WDR72: variants seen among roughly 807,000 people sequenced by gnomAD.
WDR72 encodes the protein WD repeat domain 72.
A neutral mutation model predicts 124.2 loss-of-function variants in WDR72; 120 were observed. That is an observed-to-expected ratio of 0.97 (90% CI 0.83 to 1.12). The LOEUF (loss-of-function observed/expected upper bound fraction) is 1.12, where lower values mean the gene tolerates loss of function less well. Ranked by LOEUF, WDR72 falls within the 50% of genes most tolerant of loss-of-function variation. The probability of loss-of-function intolerance (pLI) is 0.00; values close to 1 mark genes in which losing one functional copy is unlikely to be tolerated. For synonymous variants in WDR72, 452 were observed against 441.7 expected, an observed-to-expected ratio of 1.02 and a Z score of -0.29; for missense variants, 1,387 against 1,278.8, an observed-to-expected ratio of 1.08 and a Z score of -1.29.
At chr15:53,546,431 G>C (rs907052093) in intron 18 of WDR72, among the ~76,000 whole-genome samples, 14 of 149,508 alleles carry the variant, frequency 9.4e-5, no homozygotes, top group African/African-American at 3.0e-4. Flanking sequence ...ACCAAACACC[G>C]CATATTCTCA....
Position 53,615,816 on chromosome 15 carries a change from A to AATTTTGCTGTGTCT in WDR72, c.2376_2389dup (p.Leu797Ter), listed in dbSNP as rs752914562. 4.3e-6 allele frequency: 7 copies of AATTTTGCTGTGTCT among 1,613,572 alleles called. No individual in the cohort carries two copies. Among genetic ancestry groups the AATTTTGCTGTGTCT allele is most frequent in the Non-Finnish European group, 5.9e-6 (7 of 1,179,658 alleles). ...CCATGGCAAAAGGCAAGACAGAAACAATTTTGCTGTGTCTATTGTGAGACT... is the reference window on the plus strand; with the variant it reads ...CCATGGCAAAAGGCAAGACAGAAACAATTTTGCTGTGTCTATTTTGCTGTGTCTATTGTGAGACT... On this transcript the variant is annotated stop_gained and frameshift_variant, in exon 15 of 20. Transcript: ENST00000360509. LOFTEE classifies it high-confidence loss of function.
At chr15:53,659,487 G>A (rs780231194) in intron 14 of WDR72, among the ~76,000 whole-genome samples, 3 of 152,036 alleles carry the variant, frequency 2.0e-5, no homozygotes, top group Admixed American at 6.6e-5. Flanking sequence ...GAGGAAATTC[G>A]GAGTTGCTTC....
chr15:53,548,180 C>G (rs538231961), intron 18 of WDR72, among the ~76,000 whole-genome samples: 1 of 152,348 alleles, frequency 6.6e-6, no homozygotes, highest in African/African-American at 2.4e-5. Flanking sequence ...TGATCATCTT[C>G]TACCTAAATC....
intron 17 of WDR72, among the ~76,000 whole-genome samples, chr15:53,607,636 C>G (rs927372024): frequency 6.6e-6 from 1 of 151,932 alleles, no homozygotes; most frequent in Non-Finnish European, 1.5e-5. Flanking sequence ...GCACAGGCAA[C>G]CAATGCAAAA....
At chr15:53,679,849 T>G (rs935008279) in intron 13 of WDR72, among the ~76,000 whole-genome samples, 6 of 151,866 alleles carry the variant, frequency 4.0e-5, no homozygotes, top group African/African-American at 1.5e-4. Context: ...TTTCAGATTT[T>G]GGAGAGATAA....
chr15:53,617,235 C>T (rs1368917507), intron 14 of WDR72, among the ~76,000 whole-genome samples: 2 of 151,640 alleles, frequency 1.3e-5, no homozygotes, highest in Admixed American at 6.6e-5. Context: ...TGACACATAT[C>T]TCTATCTACA....
rs550976889 is a variant in WDR72 at position 53,558,275 on chromosome 15, A to T, written c.3149-34953T>A. 8.5e-5 allele frequency among the ~76,000 whole-genome samples: 13 copies of T among 152,170 alleles called. No individual in the cohort carries two copies. In the East Asian group the frequency reaches 2.1e-3, roughly 25 times the overall value. ...CAACATTAAAAACATTATCCATGAC[A>T]TCTTTAATTCCGGTTTGCCTCGTCC... On this transcript the variant is annotated intron_variant, in intron 18 of 19. Coordinates refer to ENST00000360509, the MANE Select transcript of WDR72 (RefSeq NM_182758.4).
chr15:53,720,159 CTCTT>C (rs1488455252), intron 3 of WDR72, among the ~76,000 whole-genome samples: 3 of 151,948 alleles, frequency 2.0e-5, no homozygotes, highest in Non-Finnish European at 2.9e-5. Context: ...AAGTTACATA[CTCTT>C]TCTTTTATTT....
At chr15:53,658,216 T>TA (rs1405151184) in intron 14 of WDR72, among the ~76,000 whole-genome samples, 1 of 152,196 alleles carries the variant, frequency 6.6e-6, no homozygotes, top group Non-Finnish European at 1.5e-5. Flanking sequence ...GAAATTTTTT[T>TA]ACATTTCAAG....
intron 1 of WDR72, 172 bp downstream of exon 1, chr15:53,759,461 C>G (rs889268190): frequency 6.6e-6 from 1 of 152,264 alleles, no homozygotes; most frequent in Non-Finnish European, 1.5e-5. Flanking sequence ...AGAGATAGCG[C>G]TGCGCACGCC....
At chr15:53,736,053 A>G (rs1360132901) in intron 1 of WDR72, among the ~76,000 whole-genome samples, 2 of 152,174 alleles carry the variant, frequency 1.3e-5, no homozygotes, top group African/African-American at 4.8e-5. Flanking sequence ...AAGTCATTAA[A>G]AAAAAATGAA....
chr15:53,668,957 AGGAGAAGGAGGAGG>A, intron 13 of WDR72, among the ~76,000 whole-genome samples: 1 of 17,724 alleles, frequency 5.6e-5, no homozygotes, highest in Non-Finnish European at 2.2e-4. Flanking sequence ...CAGGAGGAGG[AGGAGAAGGAGGAGG>A]AGGAGGAGAA....
chr15:53,670,186 T>C (rs1323844365), intron 13 of WDR72, among the ~76,000 whole-genome samples: 3 of 152,154 alleles, frequency 2.0e-5, no homozygotes, highest in African/African-American at 4.8e-5. Context: ...TATGAATTTT[T>C]ATATAATTTG....
chr15:53,705,491 C>A (rs2017325867), intron 10 of WDR72, among the ~76,000 whole-genome samples: 1 of 151,914 alleles, frequency 6.6e-6, no homozygotes, highest in Non-Finnish European at 1.5e-5. Context: ...GAGACCAAGT[C>A]TCACTGTGTC....
At chr15:53,659,197 T>C (rs1373942046) in intron 14 of WDR72, among the ~76,000 whole-genome samples, 3 of 152,232 alleles carry the variant, frequency 2.0e-5, no homozygotes, top group African/African-American at 7.2e-5. Flanking sequence ...TGAAGAACTA[T>C]TAGGCTATAT....
At chr15:53,535,594 C>G (rs991507029) in intron 18 of WDR72, among the ~76,000 whole-genome samples, 1 of 152,100 alleles carries the variant, frequency 6.6e-6, no homozygotes, top group African/African-American at 2.4e-5. Context: ...CTGGGAGGAA[C>G]CAGTTATTTC....
chr15:53,549,456 G>T (rs188008926), intron 18 of WDR72, among the ~76,000 whole-genome samples: 2 of 152,054 alleles, frequency 1.3e-5, no homozygotes, highest in African/African-American at 4.8e-5. Flanking sequence ...TCCTCAAAAC[G>T]ACCCTGCCGA....
At chr15:53,653,721 T>C (rs2015321320) in intron 14 of WDR72, among the ~76,000 whole-genome samples, 2 of 152,176 alleles carry the variant, frequency 1.3e-5, no homozygotes, top group African/African-American at 4.8e-5. Context: ...TAATATTTCA[T>C]AAACAGTTAT....
At chr15:53,526,155 T>C (rs1008416009) in intron 18 of WDR72, among the ~76,000 whole-genome samples, 1 of 152,072 alleles carries the variant, frequency 6.6e-6, no homozygotes, top group African/African-American at 2.4e-5. Context: ...GGTAAAGACA[T>C]GAAGGCACTT....
Sources: allele counts gnomAD v4.1 joint callset (sites outside exome capture counted in the v4.1 genomes callset), GRCh38; gene constraint gnomAD v4.1.1; transcripts MANE v1.5; gene names NCBI Gene and HGNC (gene_info 2026-07-23, HGNC 2026-07-21).